Variants in KIF15 observed in about 807,000 individuals in gnomAD.
KIF15 encodes the protein kinesin family member 15.
KIF15 carries 140 observed loss-of-function variants against 190.6 expected under a neutral mutation model. That is an observed-to-expected ratio of 0.73 (90% CI 0.64 to 0.84). The LOEUF (loss-of-function observed/expected upper bound fraction) is 0.84. KIF15 is among the 40% of genes least tolerant of loss of function. KIF15 has a pLI of 0.00. For missense variants in KIF15, 1,372 were observed against 1,584.4 expected (o/e 0.87, Z 2.28); for synonymous variants, 528 against 551.3 (o/e 0.96, Z 0.59).
In KIF15 at chr3:44,805,021, TA is replaced by T; in HGVS notation, c.1688-4del. The T allele has an allele frequency of 6.3e-7, 1 of 1,599,160 alleles. No individual in the cohort carries two copies. The highest frequency in any genetic ancestry group is 8.5e-7 in the Non-Finnish European group (1 of 1,175,820). ...AAAAAGACTGAGATTGTTTTCTTAT[TA>T]ACAGATCAGCAAGGATTTTCACCTA... On this transcript the variant is annotated splice_region_variant and splice_polypyrimidine_tract_variant and intron_variant, in intron 14 of 34. Transcript: ENST00000326047.
At position 44,812,225 on chromosome 3, in the gene KIF15, A is replaced by G; in HGVS notation, c.2213A>G (p.His738Arg). Residue 738 changes from histidine to arginine, a missense_variant, in exon 18 of 35, where the codon CAT becomes CGT. Transcript: ENST00000326047. ...ALQAKLDEEEHKNLKLQQHVD... is the reference protein window; with the variant it reads ...ALQAKLDEEERKNLKLQQHVD... ...CAAGCCAAACTGGATGAAGAAGAGC[A>G]TAAAAACCTAAAGCTTCAGCAGCAT... The G allele has an allele frequency of 6.2e-7, 1 of 1,614,194 alleles. No individual in the cohort carries two copies. The highest frequency in any genetic ancestry group is 8.5e-7 in the Non-Finnish European group (1 of 1,180,024).
intron 26 of KIF15, among the ~76,000 whole-genome samples, chr3:44,833,854 A>G (rs1163191221): frequency 6.6e-6 from 1 of 152,226 alleles, no homozygotes; most frequent in Non-Finnish European, 1.5e-5. Flanking sequence ...CCAATTGAAA[A>G]GTTAGTACAC....
rs773132341 is a variant in KIF15 at position 44,851,968 on chromosome 3, G to T, written c.3972+16G>T. 2 of 1,605,118 alleles carry T rather than the reference G, an allele frequency of 1.2e-6. No individual in the cohort carries two copies. Among genetic ancestry groups the T allele is most frequent in the Non-Finnish European group, 1.7e-6 (2 of 1,176,174 alleles). On this transcript the variant is annotated intron_variant, in intron 33 of 34. Transcript: ENST00000326047. Reference sequence around the variant, plus strand: ...AACATCCCAGGTGTGCTAGTGTGTTGGTGTTTTCATGATACTTAGAACACT... The same window carrying T: ...AACATCCCAGGTGTGCTAGTGTGTTTGTGTTTTCATGATACTTAGAACACT...
rs1707344595 is a variant in KIF15 at position 44,802,930 on chromosome 3, G to A, written c.1626G>A (p.Gln542=). Residue 542 remains glutamine (Q), a synonymous_variant, in exon 14 of 35, where the codon CAG becomes CAA. Coordinates refer to ENST00000326047, the MANE Select transcript of KIF15 (RefSeq NM_020242.3). ...PVKRAQEMDA[Q]TIAKLEKAFS... ...AAAGAGCTCAAGAAATGGATGCCCAGACCATTGCAAAACTAGAAAAAGCTT... is the reference window on the plus strand; with the variant it reads ...AAAGAGCTCAAGAAATGGATGCCCAAACCATTGCAAAACTAGAAAAAGCTT... The A allele has an allele frequency of 1.9e-6, 3 of 1,608,176 alleles. No homozygotes were observed. Among genetic ancestry groups the A allele is most frequent in the Admixed American group, 1.7e-5 (1 of 58,046 alleles).
chr3:44,838,160 A>G (rs1424073400), intron 26 of KIF15, 115 bp from the exon 27 acceptor site: 2 of 1,062,816 alleles, frequency 1.9e-6, no homozygotes, highest in South Asian at 1.7e-5. Context: ...CAAGCAAAAG[A>G]AATAGGTTTT....
Position 44,775,335 on chromosome 3 carries a change from CT to C in KIF15, c.146del (p.Leu49TyrfsTer50), listed in dbSNP as rs1316758871. ...CTGGGTCAGCTGATGGAGAGCAGAACTTATGCTTATCTGTGCTGTCCTCCAC... is the reference window on the plus strand; with the variant it reads ...CTGGGTCAGCTGATGGAGAGCAGAACTATGCTTATCTGTGCTGTCCTCCAC... The part of the protein sequence containing the change: ...RSGSADGEQN[L>X]CLSVLSSTSL... On this transcript the variant is annotated frameshift_variant, in exon 3 of 35. Coordinates refer to ENST00000326047, the MANE Select transcript of KIF15 (RefSeq NM_020242.3). LOFTEE classifies it high-confidence loss of function. The C allele has an allele frequency of 6.2e-7, 1 of 1,614,072 alleles. No homozygotes were observed.
chr3:44,840,407 A>G lies in KIF15; in HGVS notation c.3371A>G (p.Lys1124Arg). 6.2e-7 allele frequency: 1 copy of G among 1,611,186 alleles called. No homozygotes were observed. Among genetic ancestry groups the G allele is most frequent in the Non-Finnish European group, 8.5e-7 (1 of 1,179,138 alleles). ...CAGAAGAAGAATGAATATAACTTCA[A>G]AATGAGGCAACTAGAACATGTGATG... ...VEQKKNEYNF[K>R]MRQLEHVMDS... is the part of the protein sequence containing the mutation. The change falls in exon 28 of 35, where the codon AAA becomes AGA. Residue 1124 changes from lysine to arginine, a missense_variant. By Grantham distance (26) the Lys-to-Arg change is conservative. Transcript: ENST00000326047.
chr3:44,847,844 T>G, intron 30 of KIF15, 141 bp from the exon 31 acceptor site: 1 of 614,930 alleles, frequency 1.6e-6, no homozygotes, highest in Non-Finnish European at 2.9e-6. Context: ...CTGTACTGAC[T>G]TGACCCAATC....
At chr3:44,868,461 T>C (rs1367042095) in intron 6 of KIF15, among the ~76,000 whole-genome samples, 1 of 152,230 alleles carries the variant, frequency 6.6e-6, no homozygotes, top group Non-Finnish European at 1.5e-5. Flanking sequence ...TGTGTGAACA[T>C]GTTTTCAATT....
rs777352605 is a variant in KIF15 at position 44,778,113 on chromosome 3, A to G, written c.247-2A>G. ...TGTTAACATGTTTGGTTACATTTGT[A>G]GGAATCTGTATTCGCAACTGTGGCT... On this transcript the variant is annotated splice_acceptor_variant, in intron 3 of 34. Transcript: ENST00000326047. LOFTEE classifies it high-confidence loss of function. 8.7e-6 allele frequency: 14 copies of G among 1,611,036 alleles called. No homozygotes were observed. The highest frequency in any genetic ancestry group is 1.1e-5 in the Non-Finnish European group (13 of 1,177,248).
At chr3:44,857,620 AG>A (rs1365780300), downstream of KIF15, among the ~76,000 whole-genome samples, 2 of 152,208 alleles carry the variant, frequency 1.3e-5, no homozygotes, top group East Asian at 3.9e-4. Flanking sequence ...TAGGATCTAT[AG>A]GGTCGGCTAG....
chr3:44,805,723 T>C (rs144940971), intron 15 of KIF15, 122 bp from the exon 16 acceptor site: 11,451 of 926,254 alleles, frequency 0.012, 99 homozygotes, highest in South Asian at 0.025. Flanking sequence ...TCTGAGAGAA[T>C]AGAGAATATC....
At chr3:44,846,538 C>T (rs536844438) in intron 30 of KIF15, among the ~76,000 whole-genome samples, 5 of 151,776 alleles carry the variant, frequency 3.3e-5, no homozygotes, top group African/African-American at 9.7e-5. Context: ...TTTGAGAGGC[C>T]GAGGCAGGCA....
At chr3:44,859,625 C>T (rs1699219338) in intron 6 of KIF15, among the ~76,000 whole-genome samples, 1 of 152,192 alleles carries the variant, frequency 6.6e-6, no homozygotes, top group Non-Finnish European at 1.5e-5. Flanking sequence ...CACCACTGTA[C>T]TCCAGCCTGG....
chr3:44,840,623 G>C (rs1445851500), intron 28 of KIF15, among the ~76,000 whole-genome samples, 167 bp downstream of exon 28: 3 of 149,076 alleles, frequency 2.0e-5, no homozygotes, highest in Non-Finnish European at 3.0e-5. Flanking sequence ...TATTTCCTTG[G>C]AAAAGAATTA....
chr3:44,794,122 C>A, intron 7 of KIF15, 95 bp from the exon 8 acceptor site: 1 of 955,730 alleles, frequency 1.0e-6, no homozygotes. Flanking sequence ...CACAAGTGAT[C>A]CTCCAGACAT....
chr3:44,789,231 ACTT>A (rs1249492869), intron 7 of KIF15, among the ~76,000 whole-genome samples: 1 of 152,082 alleles, frequency 6.6e-6, no homozygotes, highest in African/African-American at 2.4e-5. Context: ...ACTTCTTAAT[ACTT>A]CTTTAACTTC....
At chr3:44,812,984 C>CAAA in intron 18 of KIF15, 91 bp from the exon 19 acceptor site, 13 of 616,442 alleles carry the variant, frequency 2.1e-5, no homozygotes, top group Middle Eastern at 3.0e-4. Context: ...GACTCTGTCT[C>CAAA]AAAAAAAAAA....
At chr3:44,762,627 A>G (rs1705200272) in intron 1 of KIF15, among the ~76,000 whole-genome samples, 1 of 152,166 alleles carries the variant, frequency 6.6e-6, no homozygotes, top group Non-Finnish European at 1.5e-5. Flanking sequence ...TCTGAATGGT[A>G]ATGAGGAGAG....
Sources: allele counts gnomAD v4.1 joint callset (sites outside exome capture counted in the v4.1 genomes callset), GRCh38; gene constraint gnomAD v4.1.1; transcripts MANE v1.5; gene names NCBI Gene and HGNC (gene_info 2026-07-23, HGNC 2026-07-21).